Variants in FHIT observed in about 807,000 individuals in gnomAD.
The protein encoded by FHIT is fragile histidine triad diadenosine triphosphatase.
In FHIT, 19 loss-of-function variants were observed where a neutral mutation model predicts 17.9. The ratio of observed to expected loss-of-function variants is 1.06; its 90% CI spans 0.74 to 1.56. The LOEUF (loss-of-function observed/expected upper bound fraction) is 1.56. Among genes scored for constraint, FHIT ranks in the 40% most tolerant of loss-of-function variants. The pLI is 0.00. For missense variants in FHIT, 248 were observed against 189.2 expected (o/e 1.31, Z -1.82); for synonymous variants, 81 against 69.7 (o/e 1.16, Z -0.81).
At chr3:59,810,589 G>C (rs970490316) in intron 8 of FHIT, among the ~76,000 whole-genome samples, 7 of 152,084 alleles carry the variant, frequency 4.6e-5, no homozygotes, top group African/African-American at 1.4e-4. Flanking sequence ...CACTGGTAAG[G>C]CTCCATTAAA....
intron 8 of FHIT, among the ~76,000 whole-genome samples, chr3:59,790,504 CT>C (rs1217783368): frequency 7.1e-6 from 1 of 141,348 alleles, no homozygotes; most frequent in Non-Finnish European, 1.5e-5. Flanking sequence ...CTCTCTCTCT[CT>C]TTCTCTCTCT....
chr3:60,251,759 T>C (rs1229832418), intron 5 of FHIT, among the ~76,000 whole-genome samples: 1 of 152,160 alleles, frequency 6.6e-6, no homozygotes, highest in African/African-American at 2.4e-5. Flanking sequence ...ACAGCATACC[T>C]TTCTTTTCCC....
At chr3:59,821,375 T>G (rs1437565360) in intron 8 of FHIT, among the ~76,000 whole-genome samples, 1 of 152,208 alleles carries the variant, frequency 6.6e-6, no homozygotes, top group African/African-American at 2.4e-5. Flanking sequence ...TCTGAGGATT[T>G]GGTGCCTCTT....
chr3:60,485,286 A>C (rs1007196659), intron 5 of FHIT, among the ~76,000 whole-genome samples: 5 of 152,234 alleles, frequency 3.3e-5, no homozygotes, highest in Non-Finnish European at 7.3e-5. Context: ...CACTTGACCC[A>C]GCAATCCCAT....
intron 5 of FHIT, among the ~76,000 whole-genome samples, chr3:60,051,776 T>C (rs1336970410): frequency 6.6e-6 from 1 of 152,162 alleles, no homozygotes; most frequent in Admixed American, 6.5e-5. Context: ...TACAGGATTC[T>C]ACTTGTGAGC....
intron 8 of FHIT, among the ~76,000 whole-genome samples, chr3:59,849,642 A>G (rs910207560): frequency 1.3e-5 from 2 of 152,052 alleles, no homozygotes; most frequent in Non-Finnish European, 2.9e-5. Context: ...GAGGGACTGT[A>G]TGGAAGAGAT....
chr3:60,454,444 G>C (rs544757910), intron 5 of FHIT, among the ~76,000 whole-genome samples: 1 of 150,266 alleles, frequency 6.7e-6, no homozygotes, highest in South Asian at 2.1e-4. Flanking sequence ...GAGTGCACTC[G>C]CATGATCTCG....
At chr3:61,089,626 G>A (rs2035416659) in intron 2 of FHIT, among the ~76,000 whole-genome samples, 1 of 152,100 alleles carries the variant, frequency 6.6e-6, no homozygotes, top group African/African-American at 2.4e-5. Context: ...ATAGTTAAAG[G>A]GATTGAGCCT....
intron 2 of FHIT, among the ~76,000 whole-genome samples, chr3:61,074,699 AT>A (rs2034917720): frequency 6.6e-6 from 1 of 151,986 alleles, no homozygotes; most frequent in Admixed American, 6.6e-5. Context: ...TAGTATTGTT[AT>A]TTTTCCTAAG....
chr3:60,422,175 T>C (rs554971720), intron 5 of FHIT, among the ~76,000 whole-genome samples: 1 of 152,226 alleles, frequency 6.6e-6, no homozygotes, highest in East Asian at 1.9e-4. Flanking sequence ...TGACTCCAGG[T>C]TTCAAATGTT....
chr3:61,226,231 C>T (rs2039967597), intron 1 of FHIT, among the ~76,000 whole-genome samples: 1 of 152,136 alleles, frequency 6.6e-6, no homozygotes, highest in South Asian at 2.1e-4. Flanking sequence ...ATTTTCCTTA[C>T]TGAAAGAAGG....
chr3:60,120,694 G>T (rs1207976416), intron 5 of FHIT, among the ~76,000 whole-genome samples: 1 of 152,088 alleles, frequency 6.6e-6, no homozygotes, highest in African/African-American at 2.4e-5. Flanking sequence ...ATCATCTTCA[G>T]CAATAGGCAA....
At chr3:59,886,535 G>T (rs1250690728) in intron 8 of FHIT, among the ~76,000 whole-genome samples, 1 of 152,204 alleles carries the variant, frequency 6.6e-6, no homozygotes, top group Non-Finnish European at 1.5e-5. Flanking sequence ...CATGGCAAGG[G>T]TGAAGGGGGG....
Position 60,900,546 on chromosome 3 carries a change from T to A in FHIT, c.-110-78535A>T, listed in dbSNP as rs138145686. Among the ~76,000 whole-genome samples, 747 of 152,178 alleles carry A rather than the reference T, an allele frequency of 4.9e-3. 3 individuals carry two copies. Among genetic ancestry groups the A allele is most frequent in the Non-Finnish European group, 8.4e-3 (571 of 67,994 alleles). On this transcript the variant is annotated intron_variant, in intron 3 of 9. Coordinates refer to ENST00000492590, the MANE Select transcript of FHIT (RefSeq NM_002012.4). ...ATGGTGAAGAAAACACAATTTTAAA[T>A]AAATATTAATGCCCTGCCAACCATA...
At chr3:60,368,928 G>C (rs1372479750) in intron 5 of FHIT, among the ~76,000 whole-genome samples, 2 of 151,672 alleles carry the variant, frequency 1.3e-5, no homozygotes, top group Non-Finnish European at 2.9e-5. Context: ...GAGACTAGTT[G>C]GCTGTTAACT....
At chr3:60,347,394 C>T (rs972268246) in intron 5 of FHIT, among the ~76,000 whole-genome samples, 7 of 151,776 alleles carry the variant, frequency 4.6e-5, no homozygotes, top group Non-Finnish European at 1.0e-4. Flanking sequence ...GAGATGGAAC[C>T]AACATGTTTT....
At chr3:61,044,742 G>A (rs572627636) in intron 2 of FHIT, among the ~76,000 whole-genome samples, 1 of 152,302 alleles carries the variant, frequency 6.6e-6, no homozygotes, top group East Asian at 1.9e-4. Flanking sequence ...GAAAGGTCCG[G>A]TTACCCACAA....
chr3:60,109,032 G>C (rs6789112), intron 5 of FHIT, among the ~76,000 whole-genome samples: 136,802 of 152,084 alleles, frequency 0.9, 61,693 homozygotes, highest in East Asian at 0.97. Context: ...CACCAGATAA[G>C]CAGAGCTGGT....
chr3:61,080,875 TG>T (rs1255749055), intron 2 of FHIT, among the ~76,000 whole-genome samples: 1 of 151,300 alleles, frequency 6.6e-6, no homozygotes, highest in African/African-American at 2.4e-5. Context: ...TTCACATGCA[TG>T]CCACTGAATG....
Sources: gnomAD v4.1 joint callset for allele counts (sites outside exome capture counted in the v4.1 genomes callset) on GRCh38, gnomAD v4.1.1 for gene constraint, MANE v1.5 for transcripts, NCBI Gene and HGNC (gene_info 2026-07-23, HGNC 2026-07-21) for gene names.